The following C10orf53 variants were observed in gnomAD, a reference collection of about 807,000 sequenced individuals.
C10orf53 encodes the protein UPF0728 protein C10orf53.
A neutral mutation model predicts 9.4 loss-of-function variants in C10orf53; 8 were observed. The observed-to-expected ratio is 0.85, with a 90% CI of 0.50 to 1.53. The LOEUF is 1.53. C10orf53 is among the 40% of genes most tolerant of loss of function. C10orf53 has a pLI of 0.00. For missense variants in C10orf53, 117 were observed against 117.8 expected, an observed-to-expected ratio of 0.99 and a Z score of 0.03; for synonymous variants, 48 against 46.0, an observed-to-expected ratio of 1.04 and a Z score of -0.18.
chr10:49,684,666 T>C (rs1233438381), intron 1 of C10orf53, among the ~76,000 whole-genome samples: 5 of 152,254 alleles, frequency 3.3e-5, no homozygotes, highest in Non-Finnish European at 7.3e-5. Flanking sequence ...TCATTGCTAG[T>C]GTGTAGAAAT....
intron 1 of C10orf53, among the ~76,000 whole-genome samples, chr10:49,692,103 A>G (rs1487558266): frequency 6.6e-6 from 1 of 152,178 alleles, no homozygotes; most frequent in Admixed American, 6.5e-5. Flanking sequence ...GTCTCCCTAG[A>G]TGATCAGCTG....
In C10orf53 at chr10:49,684,450, T is replaced by C. The variant is rs182827849; in HGVS notation, c.97+4656T>C. ...TGAATCTGTATAATCCTTTGGGTAGTATTGTTATTTTAACAATATTAAGCC... is the reference window on the plus strand; with the variant it reads ...TGAATCTGTATAATCCTTTGGGTAGCATTGTTATTTTAACAATATTAAGCC... On this transcript the variant is annotated intron_variant, in intron 1 of 2. Transcript: ENST00000374111. Among the ~76,000 whole-genome samples the C allele has an allele frequency of 2.2e-3, 328 of 152,368 alleles. 3 individuals are homozygous for C. The highest frequency in any genetic ancestry group is 7.3e-3 in the African/African-American group (304 of 41,584).
intron 2 of C10orf53, among the ~76,000 whole-genome samples, chr10:49,703,442 G>A (rs1420788449): frequency 6.6e-6 from 1 of 152,144 alleles, no homozygotes; most frequent in African/African-American, 2.4e-5. Flanking sequence ...ACCAAACCTA[G>A]CTATGAAAAG....
At position 49,694,571 on chromosome 10, in the gene C10orf53, A is replaced by T; in HGVS notation, c.251A>T (p.Lys84Met). The stretch of plus-strand genomic sequence containing the variant: ...GGTAAACTAGACCCACTGTGTGAAA[A>T]GGCCAGGATAGCCGTGCTGAATGCC... ...GDGKLDPLCEKARIAVLNAY is the reference protein window; with the variant it reads ...GDGKLDPLCEMARIAVLNAY Residue 84 changes from lysine (K) to methionine (M), a missense_variant, in exon 3 of 3, where the codon AAG (lysine) becomes ATG (methionine). Coordinates refer to ENST00000374111, the MANE Select transcript of C10orf53 (RefSeq NM_001042427.3). The T allele has an allele frequency of 6.2e-7, 1 of 1,614,246 alleles. No homozygotes were observed. The highest frequency in any genetic ancestry group is 8.5e-7 in the Non-Finnish European group (1 of 1,180,024).
At position 49,694,882 on chromosome 10, in the gene C10orf53, C is replaced by G; in HGVS notation, c.*280C>G. The stretch of plus-strand genomic sequence containing the variant: ...CAGGTACACATTGAGCTGAAGGAAA[C>G]AATAAAATGCAATCAAATAACAAGG... On this transcript the variant is annotated 3_prime_UTR_variant, in exon 3 of 3. Coordinates refer to ENST00000374111, the MANE Select transcript of C10orf53 (RefSeq NM_001042427.3). 3 of 1,204,342 alleles carry G rather than the reference C, an allele frequency of 2.5e-6. No individual in the cohort carries two copies. The highest frequency in any genetic ancestry group is 3.1e-6 in the Non-Finnish European group (3 of 967,654). The allele number at this position is 1,204,342 out of a possible 1,614,324, so 74.6% of individuals were successfully genotyped here.
intron 2 of C10orf53, among the ~76,000 whole-genome samples, chr10:49,707,789 ACT>A (rs1465701051): frequency 1.3e-5 from 2 of 152,136 alleles, no homozygotes; most frequent in African/African-American, 4.8e-5. Flanking sequence ...CTTCTTGGGA[ACT>A]GTCTTCAGAG....
At chr10:49,692,703 TG>T (rs1420277073) in intron 1 of C10orf53, among the ~76,000 whole-genome samples, 1 of 152,202 alleles carries the variant, frequency 6.6e-6, no homozygotes, top group Non-Finnish European at 1.5e-5. Flanking sequence ...AGAAATACAT[TG>T]GAAAAAATAG....
chr10:49,704,113 G>A (rs1455700806), intron 2 of C10orf53, among the ~76,000 whole-genome samples: 1 of 152,024 alleles, frequency 6.6e-6, no homozygotes, highest in Non-Finnish European at 1.5e-5. Context: ...TCATAAACTT[G>A]GAAGAAAGAA....
intron 1 of C10orf53, among the ~76,000 whole-genome samples, chr10:49,688,290 C>T (rs1208331364): frequency 6.6e-6 from 1 of 152,088 alleles, no homozygotes; most frequent in Non-Finnish European, 1.5e-5. Flanking sequence ...CCTTACACTC[C>T]CTGTTTAGTC....
intron 1 of C10orf53, among the ~76,000 whole-genome samples, chr10:49,685,351 T>C (rs1840518731): frequency 6.6e-6 from 1 of 152,146 alleles, no homozygotes; most frequent in Non-Finnish European, 1.5e-5. Flanking sequence ...TGCCCAGCTG[T>C]AGGCTAATGT....
chr10:49,697,568 T>A (rs2132886495), downstream of C10orf53, among the ~76,000 whole-genome samples: 2 of 152,350 alleles, frequency 1.3e-5, no homozygotes, highest in East Asian at 3.9e-4. Context: ...TTTTTTTTGT[T>A]TTTGAGACAG....
rs2132884088 is a variant in C10orf53 at position 49,695,043 on chromosome 10, A to T, written c.*441A>T. ...GGAATAAAGGCTTTTGAAAGTCTGA[A>T]CCAAAAGCAAATGTTAATATTTGGA... On this transcript the variant is annotated 3_prime_UTR_variant, in exon 3 of 3. Coordinates refer to ENST00000374111, the MANE Select transcript of C10orf53 (RefSeq NM_001042427.3). The T allele has an allele frequency of 1.3e-6, 1 of 746,542 alleles. No homozygotes were observed. Among genetic ancestry groups the T allele is most frequent in the Admixed American group, 6.2e-5 (1 of 16,038 alleles). 46.2% of individuals were successfully genotyped at this position (746,542 alleles called of 1,614,324 possible).
chr10:49,704,018 A>C (rs905568561), intron 2 of C10orf53, among the ~76,000 whole-genome samples: 4 of 152,228 alleles, frequency 2.6e-5, no homozygotes, highest in African/African-American at 9.6e-5. Flanking sequence ...GAGCAACGCC[A>C]TTCCCGCCTG....
chr10:49,708,255 A>G (rs1840736258), intron 2 of C10orf53: 1 of 1,498,246 alleles, frequency 6.7e-7, no homozygotes, highest in South Asian at 1.4e-5. Context: ...GTATACCTGA[A>G]AAGTCCAGCT....
At position 49,708,494 on chromosome 10, in the gene C10orf53, T is replaced by C. The variant is rs144673364; in HGVS notation, c.351T>C (p.Cys117=). The C allele has an allele frequency of 2.8e-5, 46 of 1,614,130 alleles. No individual in the cohort carries two copies. The African/African-American group carries it at 5.3e-4, about 19-fold the overall frequency. The change falls in exon 3 of 3, where the codon TGT becomes TGC. Residue 117 remains cysteine (C), a synonymous_variant. Coordinates refer to the C10orf53 transcript ENST00000374112. Reference sequence around the variant, plus strand: ...CACAAAAGACCCAGGACCTGACTTGTACTGTATTGGCCCAGATTGGATCAT... The same window carrying C: ...CACAAAAGACCCAGGACCTGACTTGCACTGTATTGGCCCAGATTGGATCAT...
chr10:49,700,871 C>G (rs1840677061), downstream of C10orf53, among the ~76,000 whole-genome samples: 1 of 152,250 alleles, frequency 6.6e-6, no homozygotes, highest in Admixed American at 6.5e-5. Context: ...CCCTCCTGTC[C>G]ACAGTAAAAG....
downstream of C10orf53, among the ~76,000 whole-genome samples, chr10:49,701,037 A>G (rs575849947): frequency 3.0e-4 from 46 of 152,280 alleles, no homozygotes; most frequent in Admixed American, 1.2e-3. Flanking sequence ...CACATAAATG[A>G]TGTGCCTTTA....
At position 49,694,601 on chromosome 10, in the gene C10orf53, G is replaced by T; in HGVS notation, c.281G>T (p.Ter94LeuextTer79). The part of the protein sequence containing the change: ...KARIAVLNAY[*>L] ...AGGATAGCCGTGCTGAATGCCTACT[G>T]ATCTCCTCATGGAACAGGCATCTCA... is the stretch of plus-strand genomic sequence containing the variant. The change falls in exon 3 of 3, where the codon TGA becomes TTA. Residue 94 changes from the stop codon to leucine (L), a stop_lost. Transcript: ENST00000374111. 1.2e-6 allele frequency: 2 copies of T among 1,614,216 alleles called. No individual in the cohort carries two copies. Among genetic ancestry groups the T allele is most frequent in the African/African-American group, 1.3e-5 (1 of 75,058 alleles).
chr10:49,684,882 T>C (rs1048750436), intron 1 of C10orf53, among the ~76,000 whole-genome samples: 2 of 152,226 alleles, frequency 1.3e-5, no homozygotes, highest in Non-Finnish European at 2.9e-5. Context: ...GTACTCCTAA[T>C]ACTATGTTAA....
Sources: gnomAD v4.1 joint callset for allele counts (sites outside exome capture counted in the v4.1 genomes callset) on GRCh38, gnomAD v4.1.1 for gene constraint, MANE v1.5 for transcripts, NCBI Gene and HGNC (gene_info 2026-07-23, HGNC 2026-07-21) for gene names.